SHOX: variants seen among roughly 807,000 people sequenced by gnomAD.
The protein encoded by SHOX is short stature homeobox protein.
Under a neutral mutation model 29.6 loss-of-function variants are expected in SHOX, and 12 were observed. That is an observed-to-expected ratio of 0.41 (90% CI 0.26 to 0.66). SHOX has a LOEUF of 0.66. Ranked by LOEUF, SHOX falls within the 30% of genes least tolerant of loss-of-function variation. The pLI, the probability that SHOX is intolerant of heterozygous loss-of-function variation, is 0.35. For missense variants in SHOX, 499 were observed against 437.7 expected, an observed-to-expected ratio of 1.14 and a Z score of -1.25; for synonymous variants, 214 against 200.6, an observed-to-expected ratio of 1.07 and a Z score of -0.57.
intron 1 of SHOX, among the ~76,000 whole-genome samples, chrX:625,205 TCCTCC>T (rs1185929019): frequency 2.4e-5 from 2 of 82,778 alleles, no homozygotes; most frequent in Non-Finnish European, 4.8e-5. Context: ...CTCCTCCTTC[TCCTCC>T]TCCTCCTCCT....
chrX:629,507 ATCTCTCTCTCTCCCTG>A (rs1302849618), upstream of SHOX, among the ~76,000 whole-genome samples: 2 of 73,364 alleles, frequency 2.7e-5, no homozygotes, highest in African/African-American at 1.1e-4. Context: ...CTCTCTCTCC[ATCTCTCTCTCTCCCTG>A]TCTCTCTCTC....
chrX:637,639 T>C (rs2052781244), intron 2 of SHOX, among the ~76,000 whole-genome samples: 1 of 152,138 alleles, frequency 6.6e-6, no homozygotes, highest in Middle Eastern at 3.4e-3. Context: ...AAGGATCCTA[T>C]AGTAAAGGCG....
rs768051429 is a variant in SHOX at position 645,025 on chromosome X, C to T, written c.*389C>T. On this transcript the variant is annotated 3_prime_UTR_variant, in exon 5 of 5. Transcript: ENST00000686671. ...AGAGTCTATTGAAACTGCAAAGATC[C>T]CGGAGCTGGTCTCCGATGAAAATGC... 16 of 205,486 alleles carry T rather than the reference C, an allele frequency of 7.8e-5. No homozygotes were observed. The Admixed American group carries it at 9.6e-4, about 12-fold the overall frequency. 12.7% of individuals were successfully genotyped at this position (205,486 alleles called of 1,614,324 possible).
At chrX:625,309 C>T (rs2052503582) in intron 1 of SHOX, among the ~76,000 whole-genome samples, 1 of 151,176 alleles carries the variant, frequency 6.6e-6, no homozygotes, top group South Asian at 2.1e-4. Flanking sequence ...TATTCGCAGT[C>T]GTTGTTTTTG....
chrX:625,393 T>C (rs1387129957), intron 1 of SHOX, among the ~76,000 whole-genome samples: 3 of 151,842 alleles, frequency 2.0e-5, no homozygotes, highest in Non-Finnish European at 2.9e-5. Flanking sequence ...AGGGAGGCGG[T>C]CACATACGCT....
upstream of SHOX, among the ~76,000 whole-genome samples, chrX:627,344 T>C (rs1007836632): frequency 6.6e-6 from 1 of 152,110 alleles, no homozygotes; most frequent in African/African-American, 2.4e-5. Context: ...ACTCAAACGC[T>C]GGGTGTTTCC....
In SHOX at chrX:651,126, A is replaced by G. The variant is rs2053054180; in HGVS notation, c.*6490A>G. The G allele has an allele frequency of 2.9e-6, 1 of 349,824 alleles. No individual in the cohort carries two copies. The highest frequency in any genetic ancestry group is 5.6e-6 in the Non-Finnish European group (1 of 178,770). The allele number at this position is 349,824 out of a possible 1,614,324, so 21.7% of individuals were successfully genotyped here. On this transcript the variant is annotated 3_prime_UTR_variant, in exon 5 of 5. Transcript: ENST00000686671. ...TATTTATTTTTTTTTCCTTGGTCGG[A>G]CGTTCATAAATATGTACTATTTTAA...
At chrX:624,902 C>CTTTATT (rs754320196) in intron 1 of SHOX, among the ~76,000 whole-genome samples, 1 of 55,652 alleles carries the variant, frequency 1.8e-5, no homozygotes, top group Non-Finnish European at 3.7e-5. Flanking sequence ...TTCTTTCTTT[C>CTTTATT]TCTCTTCCTT....
chrX:656,707 G>C (rs1320138537), intron 5 of SHOX, among the ~76,000 whole-genome samples: 1 of 151,960 alleles, frequency 6.6e-6, no homozygotes, highest in African/African-American at 2.4e-5. Context: ...GCCGGGCGTG[G>C]TGGCGGGCGC....
intron 1 of SHOX, among the ~76,000 whole-genome samples, chrX:631,530 T>TTTTG (rs771180677): frequency 0.34 from 51,381 of 150,818 alleles, 8,998 homozygotes; most frequent in Middle Eastern, 0.38. Context: ...CCTTTCCTTT[T>TTTTG]TTTGTTTGTT....
Position 651,582 on chromosome X carries a change from G to T in SHOX, c.*6946G>T. On this transcript the variant is annotated 3_prime_UTR_variant, in exon 5 of 5. Transcript: ENST00000686671. ...GATATAAATAAACTTATAAATATTTGTATTCAAGTGTTAAAAAAAAAAAAA... is the reference window on the plus strand; with the variant it reads ...GATATAAATAAACTTATAAATATTTTTATTCAAGTGTTAAAAAAAAAAAAA... 2.8e-5 allele frequency: 5 copies of T among 178,178 alleles called. No homozygotes were observed. Among genetic ancestry groups the T allele is most frequent in the Non-Finnish European group, 4.2e-5 (4 of 95,050 alleles). The allele number at this position is 178,178 out of a possible 1,614,324, so 11.0% of individuals were successfully genotyped here.
At position 640,914 on chromosome X, in the gene SHOX, G is replaced by C. The variant is rs369929237; in HGVS notation, c.544+36G>C. ...GGACTGGGGGGACCTGAAGCTGGGG[G>C]ATCCTGCTCCAGGAGGGATGGGGTC... On this transcript the variant is annotated intron_variant, in intron 3 of 4. Coordinates refer to ENST00000686671, the MANE Select transcript of SHOX (RefSeq NM_000451.4). The C allele has an allele frequency of 1.5e-5, 24 of 1,613,302 alleles. No individual in the cohort carries two copies. In the African/African-American group the frequency reaches 2.8e-4, roughly 19 times the overall value.
At chrX:657,766 CAG>C (rs1418218318) in intron 5 of SHOX, among the ~76,000 whole-genome samples, 3 of 152,112 alleles carry the variant, frequency 2.0e-5, no homozygotes, top group Non-Finnish European at 4.4e-5. Flanking sequence ...CGTGCACACA[CAG>C]AGTAGAGAAA....
downstream of SHOX, among the ~76,000 whole-genome samples, chrX:654,907 T>G (rs992490164): frequency 1.0e-5 from 1 of 97,598 alleles, no homozygotes; most frequent in Non-Finnish European, 1.9e-5. Flanking sequence ...AGGCTGGTTT[T>G]GAGCTCCCGA....
chrX:630,687 G>C, upstream of SHOX: 3 of 630,942 alleles, frequency 4.8e-6, 1 homozygote, highest in South Asian at 3.8e-5. Context: ...CTCTGCGTGC[G>C]TCCGCCGCGG....
intron 5 of SHOX, among the ~76,000 whole-genome samples, chrX:657,557 C>A (rs1011627158): frequency 6.6e-6 from 1 of 152,154 alleles, no homozygotes; most frequent in Admixed American, 6.6e-5. Flanking sequence ...GCTCCCCCCA[C>A]ACCCCCACAC....
rs955667302 is a variant in SHOX, at chrX:644,831, G to A, written c.*195G>A. ...CGCACGACCCAGCCAGACCCTCGCG[G>A]AGATGGTGCAGAAGGCGGAGCGGGT... On this transcript the variant is annotated 3_prime_UTR_variant, in exon 5 of 5. Coordinates refer to ENST00000686671, the MANE Select transcript of SHOX (RefSeq NM_000451.4). The A allele has an allele frequency of 2.1e-5, 15 of 713,306 alleles. No homozygotes were observed. The African/African-American group carries it at 2.3e-4, about 11-fold the overall frequency. 44.2% of individuals were successfully genotyped at this position (713,306 alleles called of 1,614,324 possible). A position where few individuals can be genotyped will look rare whatever the true frequency, so the allele number is the denominator to read the frequency against.
At chrX:636,134 T>C (rs1280949866) in intron 2 of SHOX, among the ~76,000 whole-genome samples, 1 of 149,470 alleles carries the variant, frequency 6.7e-6, no homozygotes, top group Non-Finnish European at 1.5e-5. Context: ...TGTGTGTCTC[T>C]ATATATAAAC....
chrX:637,701 G>A (rs1299947717), intron 2 of SHOX, among the ~76,000 whole-genome samples: 3 of 152,124 alleles, frequency 2.0e-5, no homozygotes, highest in Non-Finnish European at 4.4e-5. Context: ...CCCACGTCCC[G>A]CGTTGAGGGG....
Sources: allele counts gnomAD v4.1 joint callset (sites outside exome capture counted in the v4.1 genomes callset), GRCh38; gene constraint gnomAD v4.1.1; transcripts MANE v1.5; gene names NCBI Gene and HGNC (gene_info 2026-07-23, HGNC 2026-07-21).